MGAT3: variants seen among roughly 807,000 people sequenced by gnomAD.
MGAT3 encodes the protein GlcNAc-T III.
In MGAT3, 9 loss-of-function variants were observed where a neutral mutation model predicts 29.8. The ratio of observed to expected loss-of-function variants is 0.30; its 90% CI spans 0.18 to 0.53. The LOEUF (loss-of-function observed/expected upper bound fraction) is 0.53. Among genes scored for constraint, MGAT3 ranks in the 20% least tolerant of loss-of-function variants. The pLI is 0.96. For missense variants in MGAT3, 557 were observed against 769.5 expected (o/e 0.72, Z 3.27); for synonymous variants, 397 against 348.9 (o/e 1.14, Z -1.54).
chr22:39,482,809 C>T (rs1043355047), intron 1 of MGAT3, among the ~76,000 whole-genome samples: 3 of 152,170 alleles, frequency 2.0e-5, no homozygotes, highest in Admixed American at 6.5e-5. Context: ...GGGAAACATG[C>T]CCAGATCCTT....
rs753919606 is a variant in MGAT3, at chr22:39,490,256, CAA to C, written c.*1308_*1309del. 2 of 167,102 alleles carry C rather than the reference CAA, an allele frequency of 1.2e-5. No individual in the cohort carries two copies. The highest frequency in any genetic ancestry group is 2.9e-5 in the Non-Finnish European group (2 of 68,138). 10.4% of individuals were successfully genotyped at this position (167,102 alleles called of 1,614,324 possible). ...CAAGCCTGGGGGAAGCAGAAATAGA[CAA>C]GAGGGCACACCCACTTTTTGCTAAA... On this transcript the variant is annotated 3_prime_UTR_variant, in exon 2 of 2. Transcript: ENST00000341184.
Position 39,475,052 on chromosome 22 carries a change from A to G in MGAT3, c.-1-12295A>G, listed in dbSNP as rs188079586. On this transcript the variant is annotated intron_variant, in intron 1 of 1. Coordinates refer to ENST00000341184, the MANE Select transcript of MGAT3 (RefSeq NM_002409.5). ...TTCTGCTTGTGGTGCGGCCTTCACC[A>G]ATCACCCCCTCCTCAGGGCCTCCAT... is the stretch of plus-strand genomic sequence containing the variant. Among the ~76,000 whole-genome samples, 50 of 150,486 alleles carry G rather than the reference A, an allele frequency of 3.3e-4. 1 individual carries two copies. In the East Asian group the frequency reaches 7.6e-3, roughly 23 times the overall value.
intron 1 of MGAT3, among the ~76,000 whole-genome samples, chr22:39,467,557 T>C (rs1490625549): frequency 1.3e-5 from 2 of 152,152 alleles, no homozygotes; most frequent in Admixed American, 6.6e-5. Context: ...GCGAAGAGAA[T>C]ACGAAGTACA....
At chr22:39,472,843 GGCA>G (rs1928847449) in intron 1 of MGAT3, 1 of 152,294 alleles carries the variant, frequency 6.6e-6, no homozygotes, top group African/African-American at 2.4e-5. Context: ...TTGAAAGCCA[GGCA>G]GAGGGGACTA....
At position 39,489,200 on chromosome 22, in the gene MGAT3, T is replaced by C; in HGVS notation, c.*251T>C. On this transcript the variant is annotated 3_prime_UTR_variant, in exon 2 of 2. Coordinates refer to ENST00000341184, the MANE Select transcript of MGAT3 (RefSeq NM_002409.5). ...GGGTGGCCCTTATGACTGCCAAGAC[T>C]GCTGTGGCCAGGAGGTGCCACTGGA... The C allele has an allele frequency of 1.7e-6, 1 of 601,092 alleles. No individual in the cohort carries two copies. Among genetic ancestry groups the C allele is most frequent in the Non-Finnish European group, 3.0e-6 (1 of 335,894 alleles). The allele number at this position is 601,092 out of a possible 1,614,324, so 37.2% of individuals were successfully genotyped here. A position where few individuals can be genotyped will look rare whatever the true frequency, so the allele number is the denominator to read the frequency against.
intron 1 of MGAT3, among the ~76,000 whole-genome samples, chr22:39,478,591 A>G (rs192183874): frequency 6.6e-6 from 1 of 152,288 alleles, no homozygotes; most frequent in East Asian, 1.9e-4. Context: ...TCTGGCCAGC[A>G]CGGGCAAGCT....
In MGAT3 at chr22:39,488,620, C is replaced by G; in HGVS notation, c.1273C>G (p.Pro425Ala). Residue 425 changes from proline (P) to alanine (A), a missense_variant, in exon 2 of 2, where the codon CCC (proline) becomes GCC (alanine). Pro to Ala is a conservative substitution (Grantham distance 27, BLOSUM62 -1). Coordinates refer to ENST00000341184, the MANE Select transcript of MGAT3 (RefSeq NM_002409.5). Reference sequence around the variant, plus strand: ...CTGGCACTGCTCCTGGTGCTTCACGCCCGAGGGCATCTACTTCAAGCTCGT... The same window carrying G: ...CTGGCACTGCTCCTGGTGCTTCACGGCCGAGGGCATCTACTTCAAGCTCGT... The part of the protein sequence containing the change: ...AGWHCSWCFT[P>A]EGIYFKLVSA... The G allele has an allele frequency of 6.2e-7, 1 of 1,613,416 alleles. No homozygotes were observed. The highest frequency in any genetic ancestry group is 2.2e-5 in the East Asian group (1 of 44,880).
At position 39,469,373 on chromosome 22, in the gene MGAT3, C is replaced by A. The variant is rs117874376; in HGVS notation, c.-2+11816C>A. On this transcript the variant is annotated intron_variant, in intron 1 of 1. Coordinates refer to ENST00000341184, the MANE Select transcript of MGAT3 (RefSeq NM_002409.5). ...GGCCAGAAAGCCAGGCCTGGTGTGA[C>A]CCAAAGCCCATGCCCACTGCCCTCC... Among the ~76,000 whole-genome samples, 885 of 152,302 alleles carry A rather than the reference C, an allele frequency of 5.8e-3. 2 individuals carry two copies. Among genetic ancestry groups the A allele is most frequent in the Non-Finnish European group, 0.01 (687 of 68,014 alleles).
At chr22:39,461,726 T>A (rs566987842) in intron 1 of MGAT3, among the ~76,000 whole-genome samples, 1 of 151,990 alleles carries the variant, frequency 6.6e-6, no homozygotes, top group East Asian at 1.9e-4. Flanking sequence ...CAGACCCATC[T>A]CCCCTTCTGC....
At chr22:39,466,115 C>T (rs1928638679) in intron 1 of MGAT3, among the ~76,000 whole-genome samples, 1 of 152,096 alleles carries the variant, frequency 6.6e-6, no homozygotes. Context: ...GGGGACACTG[C>T]CCTGCTTCTT....
At chr22:39,464,264 G>T (rs1270000191) in intron 1 of MGAT3, among the ~76,000 whole-genome samples, 2 of 152,088 alleles carry the variant, frequency 1.3e-5, no homozygotes, top group African/African-American at 2.4e-5. Context: ...TGCTACCTGG[G>T]GCCTGGCACA....
Position 39,488,259 on chromosome 22 carries a change from G to A in MGAT3, c.912G>A (p.Leu304=), listed in dbSNP as rs963481615. The A allele has an allele frequency of 3.5e-5, 56 of 1,611,454 alleles. No individual in the cohort carries two copies. Among genetic ancestry groups the A allele is most frequent in the Non-Finnish European group, 4.7e-5 (56 of 1,179,896 alleles). ...TFLTQDGVSR[L]RNLRPDDVFI... ...TCACCCAGGACGGCGTCTCGCGGCT[G>A]CGCAACCTGCGGCCCGACGACGTCT... Residue 304 remains leucine, a synonymous_variant, in exon 2 of 2, where the codon CTG becomes CTA. Coordinates refer to ENST00000341184, the MANE Select transcript of MGAT3 (RefSeq NM_002409.5).
At position 39,488,184 on chromosome 22, in the gene MGAT3, C is replaced by G. The variant is rs1270793072; in HGVS notation, c.837C>G (p.Pro279=). The change falls in exon 2 of 2, where the codon CCC becomes CCG. Residue 279 remains proline (P), a synonymous_variant. Transcript: ENST00000341184. The part of the protein sequence containing the change: ...VLYVFLDHFP[P]GGRQDGWIAD... ...ATGTCTTCCTGGACCACTTCCCGCCCGGCGGCCGGCAGGACGGCTGGATCG... is the reference window on the plus strand; with the variant it reads ...ATGTCTTCCTGGACCACTTCCCGCCGGGCGGCCGGCAGGACGGCTGGATCG... 1.2e-6 allele frequency: 2 copies of G among 1,613,052 alleles called. No individual in the cohort carries two copies. Among genetic ancestry groups the G allele is most frequent in the Middle Eastern group, 1.6e-4 (1 of 6,062 alleles).
chr22:39,489,072 T>TTGGGGGGGGGGTGGGGGGGG lies in MGAT3; in HGVS notation c.*123_*124insTGGGGGGGGGGTGGGGGGGG. 2.7e-6 allele frequency: 1 copy of TTGGGGGGGGGGTGGGGGGGG among 365,000 alleles called. No homozygotes were observed. Among genetic ancestry groups the TTGGGGGGGGGGTGGGGGGGG allele is most frequent in the Non-Finnish European group, 5.0e-6 (1 of 200,930 alleles). The allele number at this position is 365,000 out of a possible 1,614,324, so 22.6% of individuals were successfully genotyped here. A position where few individuals can be genotyped will look rare whatever the true frequency, so the allele number is the denominator to read the frequency against. ...ACCAGGAGTGGGTGGGGAGTGGGGGTGGGGGTAGGGTTTCCCTACTGAAGC... is the reference window on the plus strand; with the variant it reads ...ACCAGGAGTGGGTGGGGAGTGGGGGTTGGGGGGGGGGTGGGGGGGGGGGGGTAGGGTTTCCCTACTGAAGC... On this transcript the variant is annotated 3_prime_UTR_variant, in exon 2 of 2. Coordinates refer to ENST00000341184, the MANE Select transcript of MGAT3 (RefSeq NM_002409.5).
At chr22:39,470,805 A>G (rs1007327996) in intron 1 of MGAT3, among the ~76,000 whole-genome samples, 3 of 152,132 alleles carry the variant, frequency 2.0e-5, no homozygotes, top group African/African-American at 7.2e-5. Flanking sequence ...CATTGCTGAT[A>G]GAGGCACCGA....
chr22:39,484,369 G>GT (rs1233041923), intron 1 of MGAT3, among the ~76,000 whole-genome samples: 1 of 151,238 alleles, frequency 6.6e-6, no homozygotes, highest in Non-Finnish European at 1.5e-5. Context: ...GTTTTTTTTT[G>GT]TTTGTTTGTT....
intron 1 of MGAT3, among the ~76,000 whole-genome samples, chr22:39,462,973 G>C (rs1461362404): frequency 6.6e-6 from 1 of 152,030 alleles, no homozygotes; most frequent in Non-Finnish European, 1.5e-5. Context: ...CTGCTCTCCG[G>C]CTGCCCTCTC....
Position 39,467,829 on chromosome 22 carries a change from A to AG in MGAT3, c.-2+10273dup, listed in dbSNP as rs1555886578. 5.4e-3 allele frequency among the ~76,000 whole-genome samples: 804 copies of AG among 149,578 alleles called. 9 individuals are homozygous for AG. Among genetic ancestry groups the AG allele is most frequent in the African/African-American group, 0.019 (777 of 40,414 alleles). On this transcript the variant is annotated intron_variant, in intron 1 of 1. Transcript: ENST00000341184. ...AGTCTCAAAAAAAAAAAAAAAAAAA[A>AG]GAGGTAGAACCTTCAGATGCAGACA...
chr22:39,471,217 T>C (rs909553102), intron 1 of MGAT3, among the ~76,000 whole-genome samples: 11 of 152,128 alleles, frequency 7.2e-5, no homozygotes, highest in African/African-American at 2.4e-4. Context: ...TCCCTTCTCT[T>C]GTCCAGATGG....
Sources: allele counts gnomAD v4.1 joint callset (sites outside exome capture counted in the v4.1 genomes callset), GRCh38; gene constraint gnomAD v4.1.1; transcripts MANE v1.5; gene names NCBI Gene and HGNC (gene_info 2026-07-23, HGNC 2026-07-21).